IGBP1C: variants seen among roughly 807,000 people sequenced by gnomAD.
The protein encoded by IGBP1C is IGBP1 family member C, also known as immunoglobulin-binding protein 1 family member C.
At chr17:58,662,415 T>TCACACACA in the IGBP1C span, among the ~76,000 whole-genome samples, 922 of 114,962 alleles carry the variant, frequency 8.0e-3, 7 homozygotes, top group Middle Eastern at 0.022. Flanking sequence ...CACACATATC[T>TCACACACA]CACACACACA....
chr17:58,671,961 T>A, the IGBP1C span, among the ~76,000 whole-genome samples: 1 of 152,072 alleles, frequency 6.6e-6, no homozygotes, highest in Admixed American at 6.6e-5. Flanking sequence ...CTCCCAAACT[T>A]TTTGGCACCA....
At chr17:58,688,308 C>T in the IGBP1C span, among the ~76,000 whole-genome samples, 18 of 151,998 alleles carry the variant, frequency 1.2e-4, no homozygotes, top group Non-Finnish European at 2.5e-4. Flanking sequence ...TTAGTAGAGA[C>T]GGGGTTTTAC....
At chr17:58,665,258 C>T in the IGBP1C span, among the ~76,000 whole-genome samples, 1 of 151,712 alleles carries the variant, frequency 6.6e-6, no homozygotes, top group Non-Finnish European at 1.5e-5. Context: ...TCCCAAAGTA[C>T]TGGGATTACA....
the IGBP1C span, chr17:58,661,310 G>A: frequency 1.2e-6 from 1 of 830,538 alleles, no homozygotes; most frequent in Non-Finnish European, 2.2e-6. Flanking sequence ...ACGCTTACGG[G>A]GGTTGACTTG....
At chr17:58,680,579 T>A in the IGBP1C span, among the ~76,000 whole-genome samples, 1 of 151,572 alleles carries the variant, frequency 6.6e-6, no homozygotes, top group Non-Finnish European at 1.5e-5. Context: ...CTATCTCTAA[T>A]AAAAATACAA....
At chr17:58,668,294 C>T in the IGBP1C span, among the ~76,000 whole-genome samples, 14 of 152,234 alleles carry the variant, frequency 9.2e-5, no homozygotes, top group Non-Finnish European at 1.6e-4. Context: ...CCCATTGCAG[C>T]GGTCTCTATA....
chr17:58,667,023 C>T, the IGBP1C span, among the ~76,000 whole-genome samples: 1 of 152,202 alleles, frequency 6.6e-6, no homozygotes, highest in Non-Finnish European at 1.5e-5. Context: ...ATGCAAGTGA[C>T]GTCTGTCAGG....
At chr17:58,672,196 C>T in the IGBP1C span, among the ~76,000 whole-genome samples, 1 of 152,112 alleles carries the variant, frequency 6.6e-6, no homozygotes, top group Admixed American at 6.6e-5. Context: ...GGTGCTCAGG[C>T]AGTAATGACA....
At chr17:58,662,415 T>TCTCACACA in the IGBP1C span, among the ~76,000 whole-genome samples, 2 of 114,996 alleles carry the variant, frequency 1.7e-5, no homozygotes, top group African/African-American at 5.5e-5. Flanking sequence ...CACACATATC[T>TCTCACACA]CACACACACA....
chr17:58,680,523 C>T, the IGBP1C span, among the ~76,000 whole-genome samples: 7 of 152,248 alleles, frequency 4.6e-5, no homozygotes, highest in African/African-American at 1.7e-4. Flanking sequence ...GGGCAGATCA[C>T]TTGAGGTCAG....
At chr17:58,661,146 C>T in the IGBP1C span, 1 of 831,568 alleles carries the variant, frequency 1.2e-6, no homozygotes, top group Non-Finnish European at 2.2e-6. Flanking sequence ...GATGCCATAG[C>T]AACGAGGCTA....
chr17:58,667,301 G>A, the IGBP1C span, among the ~76,000 whole-genome samples: 1 of 152,300 alleles, frequency 6.6e-6, no homozygotes. Context: ...GACTTTCGAT[G>A]AGCTTATGGC....
chr17:58,684,674 TAAATAAAA>T, the IGBP1C span, among the ~76,000 whole-genome samples: 17 of 128,568 alleles, frequency 1.3e-4, no homozygotes, highest in African/African-American at 3.2e-4. Flanking sequence ...AATAAATAAA[TAAATAAAA>T]AGCTTTCTTC....
At chr17:58,690,155 G>GT in the IGBP1C span, among the ~76,000 whole-genome samples, 50 of 150,182 alleles carry the variant, frequency 3.3e-4, no homozygotes, top group African/African-American at 1.0e-3. Context: ...GGGTTTTTTT[G>GT]TTTTTTTTAT....
At chr17:58,679,491 AGATACAAC>A in the IGBP1C span, 3 of 152,194 alleles carry the variant, frequency 2.0e-5, no homozygotes, top group African/African-American at 7.2e-5. Context: ...TACGAAGCAA[AGATACAAC>A]GTACGCCTTT....
the IGBP1C span, among the ~76,000 whole-genome samples, chr17:58,676,884 A>G: frequency 6.6e-6 from 1 of 152,062 alleles, no homozygotes; most frequent in Admixed American, 6.6e-5. Context: ...TAATCCCAGT[A>G]CTTTGGGAGG....
the IGBP1C span, among the ~76,000 whole-genome samples, chr17:58,690,213 T>C: frequency 5.3e-5 from 8 of 151,278 alleles, no homozygotes; most frequent in Non-Finnish European, 5.9e-5. Context: ...GTCGCCCAGA[T>C]TGGAGTGGAG....
At chr17:58,661,388 T>G in the IGBP1C span, 1 of 894,174 alleles carries the variant, frequency 1.1e-6, no homozygotes, top group Non-Finnish European at 1.9e-6. Flanking sequence ...AGTAATCTCC[T>G]CCAAATCTTC....
At chr17:58,690,776 T>C in the IGBP1C span, among the ~76,000 whole-genome samples, 2 of 152,314 alleles carry the variant, frequency 1.3e-5, no homozygotes, top group African/African-American at 4.8e-5. Context: ...GCTTCTCGTA[T>C]TCTCCCCGCC....
Sources: allele counts gnomAD v4.1 joint callset (sites outside exome capture counted in the v4.1 genomes callset), GRCh38; gene constraint gnomAD v4.1.1; transcripts MANE v1.5; gene names NCBI Gene and HGNC (gene_info 2026-07-23, HGNC 2026-07-21).